The following IGF2BP3 variants were observed in gnomAD, a reference collection of about 807,000 sequenced individuals.
IGF2BP3 encodes insulin-like growth factor 2 mRNA-binding protein 3.
Under a neutral mutation model 73.8 loss-of-function variants are expected in IGF2BP3, and 9 were observed. That is an observed-to-expected ratio of 0.12 (90% CI 0.07 to 0.21). The LOEUF (loss-of-function observed/expected upper bound fraction) is 0.21. Ranked by LOEUF, IGF2BP3 falls within the 10% of genes least tolerant of loss-of-function variation. The pLI is 1.00. For synonymous variants in IGF2BP3, 258 were observed against 256.7 expected, an observed-to-expected ratio of 1.01 and a Z score of -0.05; for missense variants, 542 against 714.0, an observed-to-expected ratio of 0.76 and a Z score of 2.75.
At position 23,439,396 on chromosome 7, in the gene IGF2BP3, CA is replaced by C. The variant is rs983892422; in HGVS notation, c.237-20573del. Among the ~76,000 whole-genome samples the C allele has an allele frequency of 3.9e-3, 544 of 138,064 alleles. 1 individual carries two copies. Among genetic ancestry groups the C allele is most frequent in the African/African-American group, 8.9e-3 (334 of 37,490 alleles). 90.6% of individuals were successfully genotyped at this position (138,064 alleles called of 152,430 possible). A position where few individuals can be genotyped will look rare whatever the true frequency, so the allele number is the denominator to read the frequency against. ...GGTGAAACCCCACCTACTAAAAATA[CA>C]AAAAAAAAAAAATTAGCCGGGTGTG... is the stretch of plus-strand genomic sequence containing the variant. On this transcript the variant is annotated intron_variant, in intron 2 of 14. Transcript: ENST00000258729.
At chr7:23,408,391 G>A (rs901850536) in intron 3 of IGF2BP3, among the ~76,000 whole-genome samples, 1 of 151,906 alleles carries the variant, frequency 6.6e-6, no homozygotes, top group Admixed American at 6.6e-5. Context: ...AAGGATATAA[G>A]GTCAACACAC....
At chr7:23,349,059 A>G (rs75711353) in intron 6 of IGF2BP3, among the ~76,000 whole-genome samples, 6,313 of 152,320 alleles carry the variant, frequency 0.041, 443 homozygotes, top group African/African-American at 0.14. Context: ...ACAGCTACCC[A>G]GGTGAGACGA....
At chr7:23,412,395 T>C (rs149147146) in intron 3 of IGF2BP3, among the ~76,000 whole-genome samples, 1,551 of 152,342 alleles carry the variant, frequency 0.01, 21 homozygotes, top group African/African-American at 0.034. Flanking sequence ...AATATGCAAG[T>C]GTTGAAGTAA....
chr7:23,375,814 G>T (rs944697263), intron 3 of IGF2BP3, among the ~76,000 whole-genome samples: 1 of 152,214 alleles, frequency 6.6e-6, no homozygotes, highest in Admixed American at 6.5e-5. Flanking sequence ...AGGAGGAGAA[G>T]AGGTAGATTC....
chr7:23,438,695 A>C (rs1470063167), intron 2 of IGF2BP3, among the ~76,000 whole-genome samples: 1 of 152,188 alleles, frequency 6.6e-6, no homozygotes, highest in African/African-American at 2.4e-5. Context: ...TAGGCTGATA[A>C]AATAATCTTT....
intron 2 of IGF2BP3, among the ~76,000 whole-genome samples, chr7:23,441,247 T>C (rs577276674): frequency 6.6e-6 from 1 of 151,728 alleles, no homozygotes; most frequent in Non-Finnish European, 1.5e-5. Flanking sequence ...GCCTGGGCAA[T>C]ATAGTGAGAT....
chr7:23,400,386 A>T (rs767010760), intron 3 of IGF2BP3, among the ~76,000 whole-genome samples: 1 of 152,200 alleles, frequency 6.6e-6, no homozygotes, highest in Non-Finnish European at 1.5e-5. Flanking sequence ...AGAGAGCCAC[A>T]GCTGACCTTG....
chr7:23,465,813 T>C (rs965416742), intron 2 of IGF2BP3, among the ~76,000 whole-genome samples: 10 of 152,268 alleles, frequency 6.6e-5, no homozygotes, highest in Middle Eastern at 3.4e-3. Flanking sequence ...GATTGGTTTG[T>C]GGCATTCAAC....
At chr7:23,324,391 T>G (rs1346719381) in intron 10 of IGF2BP3, among the ~76,000 whole-genome samples, 1 of 151,052 alleles carries the variant, frequency 6.6e-6, no homozygotes, top group African/African-American at 2.4e-5. Flanking sequence ...AATCTCTGAA[T>G]AGACCAATAA....
chr7:23,444,852 A>G (rs954700969), intron 2 of IGF2BP3, among the ~76,000 whole-genome samples: 1 of 152,184 alleles, frequency 6.6e-6, no homozygotes, highest in African/African-American at 2.4e-5. Flanking sequence ...AGGAACACTC[A>G]AAGCCAGGAG....
Position 23,351,317 on chromosome 7 carries a change from T to C in IGF2BP3, c.671A>G (p.Gln224Arg). 3 of 1,613,874 alleles carry C rather than the reference T, an allele frequency of 1.9e-6. No homozygotes were observed. Among genetic ancestry groups the C allele is most frequent in the South Asian group, 2.2e-5 (2 of 91,050 alleles). ...EGATIRNITK[Q>R]TQSKIDVHRK... ...TCAGCATACTCACTTAGACTGGGTC[T>C]GTTTGGTGATGTTCCGAATGGTGGC... Residue 224 changes from glutamine (Q) to arginine (R), a missense_variant, in exon 6 of 15, where the codon CAG becomes CGG. By Grantham distance (43) the Gln-to-Arg change is conservative (BLOSUM62 1). This residue lies in a region of IGF2BP3 where 303 missense variants were observed against 472.1 expected (regional missense o/e 0.64). Transcript: ENST00000258729.
intron 5 of IGF2BP3, among the ~76,000 whole-genome samples, chr7:23,352,357 T>TG (rs1263314172): frequency 6.8e-6 from 1 of 147,784 alleles, no homozygotes; most frequent in Non-Finnish European, 1.5e-5. Flanking sequence ...AGAGCCATCT[T>TG]GGCTCACTGC....
At chr7:23,317,770 T>C in intron 11 of IGF2BP3, 57 bp from the exon 12 acceptor site, 1 of 1,377,872 alleles carries the variant, frequency 7.3e-7, no homozygotes, top group Non-Finnish European at 1.0e-6. Context: ...ATAGGCATCT[T>C]GGGCCAACCA....
Position 23,448,641 on chromosome 7 carries a change from G to T in IGF2BP3, c.236+19841C>A, listed in dbSNP as rs536116790. On this transcript the variant is annotated intron_variant, in intron 2 of 14. Coordinates refer to ENST00000258729, the MANE Select transcript of IGF2BP3 (RefSeq NM_006547.3). ...TGTTTGTTTGTTTGTTTGTTTGTTT[G>T]TTTTTTTGAGGCAGAGTCTCGTTCT... Among the ~76,000 whole-genome samples, 36 of 146,786 alleles carry T rather than the reference G, an allele frequency of 2.5e-4. No individual in the cohort carries two copies. The South Asian group carries it at 7.5e-3, about 31-fold the overall frequency.
At position 23,329,516 on chromosome 7, in the gene IGF2BP3, G is replaced by C. The variant is rs1046930178; in HGVS notation, c.1204-10262C>G. Among the ~76,000 whole-genome samples the C allele has an allele frequency of 1.7e-4, 26 of 152,268 alleles. 1 individual carries two copies. Among genetic ancestry groups the C allele is most frequent in the African/African-American group, 5.5e-4 (23 of 41,540 alleles). ...AAAAGGGCCTGAACATTTAAAATTGGTAAATATTAAATTCCCATACAAAAA... is the reference window on the plus strand; with the variant it reads ...AAAAGGGCCTGAACATTTAAAATTGCTAAATATTAAATTCCCATACAAAAA... On this transcript the variant is annotated intron_variant, in intron 10 of 14. Coordinates refer to ENST00000258729, the MANE Select transcript of IGF2BP3 (RefSeq NM_006547.3).
chr7:23,392,928 A>C (rs1786331734), intron 3 of IGF2BP3, among the ~76,000 whole-genome samples: 1 of 152,160 alleles, frequency 6.6e-6, no homozygotes, highest in South Asian at 2.1e-4. Flanking sequence ...ACTGTGCCAA[A>C]AACATTTCTA....
At chr7:23,363,150 G>C (rs1200458004) in intron 3 of IGF2BP3, among the ~76,000 whole-genome samples, 1 of 152,174 alleles carries the variant, frequency 6.6e-6, no homozygotes, top group Non-Finnish European at 1.5e-5. Context: ...CTAAACTTAA[G>C]CAATTTCTTC....
At chr7:23,422,244 G>A (rs1477582533) in intron 2 of IGF2BP3, among the ~76,000 whole-genome samples, 2 of 152,102 alleles carry the variant, frequency 1.3e-5, no homozygotes, top group Non-Finnish European at 2.9e-5. Context: ...AGGTTAATTA[G>A]CATGTGATCA....
At chr7:23,409,483 AT>A (rs140719590) in intron 3 of IGF2BP3, among the ~76,000 whole-genome samples, 2,424 of 152,318 alleles carry the variant, frequency 0.016, 80 homozygotes, top group African/African-American at 0.056. Flanking sequence ...GAATAATACT[AT>A]TCAATTTTAA....
Sources: gnomAD v4.1 joint callset for allele counts (sites outside exome capture counted in the v4.1 genomes callset) on GRCh38, gnomAD v4.1.1 for gene constraint, gnomAD v4.1.1 regional missense constraint, MANE v1.5 for transcripts, NCBI Gene and HGNC (gene_info 2026-07-23, HGNC 2026-07-21) for gene names.